IQCJ: variants seen among roughly 807,000 people sequenced by gnomAD.
The protein encoded by IQCJ is IQ domain-containing protein J.
A neutral mutation model predicts 11.0 loss-of-function variants in IQCJ; 9 were observed. The ratio of observed to expected loss-of-function variants is 0.82; its 90% confidence interval spans 0.49 to 1.43. The LOEUF is 1.43. Ranked by LOEUF, IQCJ falls within the 40% of genes most tolerant of loss-of-function variation. The pLI, the probability that IQCJ is intolerant of heterozygous loss-of-function variation, is 0.00. For missense variants in IQCJ, 146 were observed against 133.2 expected, an observed-to-expected ratio of 1.10 and a Z score of -0.47; for synonymous variants, 55 against 51.3, an observed-to-expected ratio of 1.07 and a Z score of -0.31.
intron 1 of IQCJ, among the ~76,000 whole-genome samples, chr3:159,149,194 G>A (rs1721071620): frequency 6.6e-6 from 1 of 152,166 alleles, no homozygotes; most frequent in Admixed American, 6.5e-5. Context: ...CACAATCCTG[G>A]ACAGATTCTG....
chr3:159,168,361 A>C (rs1722294017), intron 1 of IQCJ, among the ~76,000 whole-genome samples: 1 of 152,218 alleles, frequency 6.6e-6, no homozygotes, highest in Admixed American at 6.5e-5. Flanking sequence ...TGCAGCAAAA[A>C]TACTGTGTAA....
chr3:159,184,466 A>T (rs1172004711), intron 1 of IQCJ, among the ~76,000 whole-genome samples: 1 of 152,078 alleles, frequency 6.6e-6, no homozygotes, highest in Non-Finnish European at 1.5e-5. Flanking sequence ...TTGTCTGTTT[A>T]TTGTCTCTCT....
intron 1 of IQCJ, among the ~76,000 whole-genome samples, chr3:159,121,938 TGTCTTACTCAGTTCAGGCTGCTATCA>T (rs1335992842): frequency 6.3e-4 from 96 of 152,338 alleles, no homozygotes; most frequent in African/African-American, 2.3e-3. Flanking sequence ...ATTTAGACTA[TGTCTTACTCAGTTCAGGCTGCTATCA>T]CAGAGTGTCA....
intron 1 of IQCJ, among the ~76,000 whole-genome samples, chr3:159,190,854 A>G (rs1449666418): frequency 3.3e-5 from 5 of 152,248 alleles, no homozygotes; most frequent in African/African-American, 1.2e-4. Flanking sequence ...AAGTTCTTGG[A>G]AAAGTTCCTA....
chr3:159,230,829 C>A (rs1726205772), intron 1 of IQCJ, among the ~76,000 whole-genome samples: 1 of 152,144 alleles, frequency 6.6e-6, no homozygotes, highest in African/African-American at 2.4e-5. Context: ...TGTTTGTCAA[C>A]TTCTCCACCC....
At chr3:159,106,001 G>A (rs1006483042) in intron 1 of IQCJ, among the ~76,000 whole-genome samples, 1 of 152,206 alleles carries the variant, frequency 6.6e-6, no homozygotes, top group African/African-American at 2.4e-5. Flanking sequence ...TCAACAGCCT[G>A]AAGTTGTGGC....
chr3:159,249,550 C>A (rs1251823986), intron 2 of IQCJ, among the ~76,000 whole-genome samples: 1 of 152,144 alleles, frequency 6.6e-6, no homozygotes, highest in Non-Finnish European at 1.5e-5. Flanking sequence ...ACAACTATAC[C>A]CATTTGCCTG....
intron 1 of IQCJ, among the ~76,000 whole-genome samples, chr3:159,094,472 G>A (rs912598809): frequency 1.2e-5 from 1 of 80,228 alleles, no homozygotes; most frequent in African/African-American, 4.9e-5. Flanking sequence ...TTAAATATAT[G>A]TCCATGATAA....
intron 1 of IQCJ, among the ~76,000 whole-genome samples, chr3:159,133,945 A>G (rs937550987): frequency 6.6e-6 from 1 of 151,710 alleles, no homozygotes; most frequent in African/African-American, 2.4e-5. Context: ...CAATCAAGGT[A>G]TCCACCAGGC....
chr3:159,202,151 C>T (rs1724387279), intron 1 of IQCJ, among the ~76,000 whole-genome samples: 1 of 152,044 alleles, frequency 6.6e-6, no homozygotes, highest in African/African-American at 2.4e-5. Flanking sequence ...GGAGGGTGTC[C>T]ATAGTTTCAT....
chr3:159,195,695 G>A (rs1490083220), intron 1 of IQCJ, among the ~76,000 whole-genome samples: 3 of 152,198 alleles, frequency 2.0e-5, no homozygotes, highest in African/African-American at 2.4e-5. Context: ...TCCTGGTATA[G>A]ACCAGCTTAA....
At chr3:159,070,810 T>C (rs1044560525) in intron 1 of IQCJ, among the ~76,000 whole-genome samples, 8 of 152,064 alleles carry the variant, frequency 5.3e-5, no homozygotes, top group African/African-American at 1.9e-4. Context: ...TGGAAGCATC[T>C]TAAATATTAG....
intron 1 of IQCJ, among the ~76,000 whole-genome samples, chr3:159,070,744 A>G (rs1425999427): frequency 1.3e-5 from 2 of 152,102 alleles, no homozygotes; most frequent in Admixed American, 6.6e-5. Flanking sequence ...AAGAAATTAA[A>G]ATAGTTTTTC....
chr3:159,080,281 C>G (rs1716221395), intron 1 of IQCJ, among the ~76,000 whole-genome samples: 1 of 152,054 alleles, frequency 6.6e-6, no homozygotes, highest in African/African-American at 2.4e-5. Context: ...GCACACTTCC[C>G]TGGAACCCAT....
At chr3:159,117,489 G>A (rs759747014) in intron 1 of IQCJ, among the ~76,000 whole-genome samples, 24 of 152,030 alleles carry the variant, frequency 1.6e-4, no homozygotes, top group Admixed American at 5.3e-4. Context: ...TTAATAAAAC[G>A]TTGAGTTCAT....
intron 1 of IQCJ, among the ~76,000 whole-genome samples, chr3:159,243,043 A>G (rs1191122278): frequency 1.3e-5 from 2 of 152,224 alleles, no homozygotes; most frequent in South Asian, 2.1e-4. Flanking sequence ...TGAAATCACA[A>G]TAAGATATCA....
intron 1 of IQCJ, among the ~76,000 whole-genome samples, chr3:159,157,733 T>C (rs1721604818): frequency 6.6e-6 from 1 of 152,224 alleles, no homozygotes; most frequent in Admixed American, 6.5e-5. Context: ...GAATAATTTC[T>C]CATATATCCT....
intron 1 of IQCJ, among the ~76,000 whole-genome samples, chr3:159,112,494 C>T (rs1329533353): frequency 6.6e-6 from 1 of 152,138 alleles, no homozygotes; most frequent in Non-Finnish European, 1.5e-5. Context: ...GACCTTTGGA[C>T]ATATAGAACT....
At chr3:159,190,607 C>T (rs918514028) in intron 1 of IQCJ, among the ~76,000 whole-genome samples, 3 of 152,132 alleles carry the variant, frequency 2.0e-5, no homozygotes, top group African/African-American at 7.2e-5. Flanking sequence ...GTAAGACAGC[C>T]GTGAGGTACA....
Sources: gnomAD v4.1 joint callset for allele counts (sites outside exome capture counted in the v4.1 genomes callset) on GRCh38, gnomAD v4.1.1 for gene constraint, MANE v1.5 for transcripts, NCBI Gene and HGNC (gene_info 2026-07-23, HGNC 2026-07-21) for gene names.